The following RALYL variants were observed in gnomAD, a reference collection of about 807,000 sequenced individuals.
The protein encoded by RALYL is RNA-binding Raly-like protein.
A neutral mutation model predicts 35.1 loss-of-function variants in RALYL; 29 were observed. The ratio of observed to expected loss-of-function variants is 0.83; its 90% CI spans 0.61 to 1.13. RALYL has a LOEUF of 1.13. Ranked by LOEUF, RALYL falls within the 50% of genes most tolerant of loss-of-function variation. The pLI is 0.00. For synonymous variants in RALYL, 120 were observed against 127.6 expected (o/e 0.94, Z 0.40); for missense variants, 359 against 360.4 (o/e 1.00, Z 0.03).
At chr8:84,879,202 C>CT (rs1033688787) in intron 7 of RALYL, among the ~76,000 whole-genome samples, 11 of 151,982 alleles carry the variant, frequency 7.2e-5, no homozygotes, top group Admixed American at 7.2e-4. Flanking sequence ...CTGGGATAGA[C>CT]TTTTTAAGAC....
intron 1 of RALYL, among the ~76,000 whole-genome samples, chr8:84,360,731 A>G (rs1046059525): frequency 1.3e-5 from 2 of 152,156 alleles, no homozygotes; most frequent in African/African-American, 2.4e-5. Flanking sequence ...AATACATTTC[A>G]ATCTCTCTAG....
intron 1 of RALYL, among the ~76,000 whole-genome samples, chr8:84,217,861 C>T (rs188122291): frequency 5.3e-5 from 8 of 152,166 alleles, no homozygotes; most frequent in Admixed American, 1.3e-4. Context: ...TCCTCATTGA[C>T]CCAATAGTTT....
chr8:84,583,572 A>G (rs1271819518), intron 2 of RALYL, among the ~76,000 whole-genome samples: 1 of 152,150 alleles, frequency 6.6e-6, no homozygotes, highest in Non-Finnish European at 1.5e-5. Flanking sequence ...GTCCAGTAAA[A>G]TTTAGGTTAT....
chr8:84,831,700 A>G (rs1287321210), intron 4 of RALYL, among the ~76,000 whole-genome samples: 1 of 152,100 alleles, frequency 6.6e-6, no homozygotes, highest in East Asian at 1.9e-4. Context: ...AAAATTTTGA[A>G]TAATAGTAAT....
Position 84,595,690 on chromosome 8 carries a change from T to C in RALYL, c.256+66113T>C, listed in dbSNP as rs192153640. Among the ~76,000 whole-genome samples the C allele has an allele frequency of 2.4e-3, 363 of 150,736 alleles. 2 individuals carry two copies. Among genetic ancestry groups the C allele is most frequent in the African/African-American group, 8.6e-3 (352 of 41,090 alleles). ...TATGAAACATAACTGACAAGGGTCA[T>C]AGAAAATCCATTTTCTAGCAACATT... On this transcript the variant is annotated intron_variant, in intron 2 of 8. Coordinates refer to ENST00000521268, the MANE Select transcript of RALYL (RefSeq NM_173848.7).
At chr8:84,722,617 T>TTATA (rs71823678) in intron 2 of RALYL, among the ~76,000 whole-genome samples, 8,281 of 97,238 alleles carry the variant, frequency 0.085, 417 homozygotes, top group Non-Finnish European at 0.096. Context: ...TAGAGTGATT[T>TTATA]TATATATATA....
intron 1 of RALYL, among the ~76,000 whole-genome samples, chr8:84,328,239 C>G (rs16912698): frequency 0.046 from 7,014 of 152,256 alleles, 523 homozygotes; most frequent in African/African-American, 0.15. Context: ...CTCACCGTTT[C>G]TAGACCCAGA....
At chr8:84,900,679 TA>T (rs757291686) in intron 8 of RALYL, among the ~76,000 whole-genome samples, 1,701 of 143,974 alleles carry the variant, frequency 0.012, 10 homozygotes, top group African/African-American at 0.014. Flanking sequence ...AAGTTTGTCT[TA>T]AAAAAAAAAA....
At chr8:84,801,109 C>T (rs10086109) in intron 3 of RALYL, among the ~76,000 whole-genome samples, 2,248 of 152,226 alleles carry the variant, frequency 0.015, 50 homozygotes, top group African/African-American at 0.052. Flanking sequence ...CAAAGCAGAG[C>T]ATCATTCAAC....
intron 2 of RALYL, among the ~76,000 whole-genome samples, chr8:84,622,392 G>C (rs774058795): frequency 6.6e-6 from 1 of 152,192 alleles, no homozygotes; most frequent in African/African-American, 2.4e-5. Flanking sequence ...TTCAGCCTCA[G>C]ATATGAGCAT....
chr8:84,521,281 C>A (rs2058438727), intron 1 of RALYL, among the ~76,000 whole-genome samples: 1 of 152,186 alleles, frequency 6.6e-6, no homozygotes, highest in South Asian at 2.1e-4. Flanking sequence ...GTCACCAGAA[C>A]CCAAATTGGC....
chr8:84,896,788 T>C (rs919249601), intron 8 of RALYL, among the ~76,000 whole-genome samples: 2 of 152,224 alleles, frequency 1.3e-5, no homozygotes, highest in African/African-American at 4.8e-5. Flanking sequence ...TAAGTAAACC[T>C]GTACTTACCT....
intron 1 of RALYL, among the ~76,000 whole-genome samples, chr8:84,510,674 G>T (rs1182881119): frequency 1.3e-5 from 2 of 152,114 alleles, no homozygotes; most frequent in African/African-American, 2.4e-5. Flanking sequence ...ACTGTGCCTG[G>T]TGGCACATGC....
chr8:84,750,506 C>T (rs1036510598), intron 2 of RALYL, among the ~76,000 whole-genome samples: 1 of 152,072 alleles, frequency 6.6e-6, no homozygotes, highest in East Asian at 1.9e-4. Flanking sequence ...TCTCATGCCC[C>T]CTACCATGGT....
Position 84,592,653 on chromosome 8 carries a change from T to G in RALYL, c.256+63076T>G, listed in dbSNP as rs1051363711. 5.3e-5 allele frequency among the ~76,000 whole-genome samples: 8 copies of G among 152,128 alleles called. No individual in the cohort carries two copies. In the South Asian group the frequency reaches 1.2e-3, roughly 24 times the overall value. ...TGCATACCAAAATTAAGTAGGCTAT[T>G]ATAATGGGACATATCCCACAATAGT... On this transcript the variant is annotated intron_variant, in intron 2 of 8. Transcript: ENST00000521268.
rs117355434 is a variant in RALYL, at chr8:84,493,530, C to T, written c.-23-35769C>T. The stretch of plus-strand genomic sequence containing the variant: ...ATGGTTGAACTGATTTACATTCCCA[C>T]CAACAGTAAAAGCTTTCCTATTTCT... On this transcript the variant is annotated intron_variant, in intron 1 of 8. Transcript: ENST00000521268. Among the ~76,000 whole-genome samples, 54 of 152,250 alleles carry T rather than the reference C, an allele frequency of 3.5e-4. 3 individuals carry two copies. In the East Asian group the frequency reaches 0.01, roughly 28 times the overall value.
chr8:84,476,006 A>G (rs1002371125), intron 1 of RALYL, among the ~76,000 whole-genome samples: 14 of 152,222 alleles, frequency 9.2e-5, no homozygotes, highest in African/African-American at 3.4e-4. Context: ...CATTCATTCA[A>G]TAAATATTTG....
intron 2 of RALYL, among the ~76,000 whole-genome samples, chr8:84,601,267 G>A (rs1360752996): frequency 6.6e-6 from 1 of 152,098 alleles, no homozygotes; most frequent in African/African-American, 2.4e-5. Flanking sequence ...ATGCAGACAA[G>A]TTATGGCCCC....
At chr8:84,686,087 T>C (rs541745008) in intron 2 of RALYL, among the ~76,000 whole-genome samples, 37 of 152,328 alleles carry the variant, frequency 2.4e-4, no homozygotes, top group Admixed American at 1.6e-3. Flanking sequence ...CACATGTTTC[T>C]CATGGAGGAA....
Sources: allele counts gnomAD v4.1 joint callset (sites outside exome capture counted in the v4.1 genomes callset), GRCh38; gene constraint gnomAD v4.1.1; transcripts MANE v1.5; gene names NCBI Gene and HGNC (gene_info 2026-07-23, HGNC 2026-07-21).